Variants in FBXO25 observed in about 807,000 individuals in gnomAD.
The protein encoded by FBXO25 is F-box protein 25.
In FBXO25, 45 loss-of-function variants were observed where a neutral mutation model predicts 51.9. The ratio of observed to expected loss-of-function variants is 0.87; its 90% CI spans 0.68 to 1.11. The LOEUF is 1.11. Among genes scored for constraint, FBXO25 ranks in the 50% most tolerant of loss-of-function variants. The pLI, the probability that FBXO25 is intolerant of heterozygous loss-of-function variation, is 0.00. For synonymous variants in FBXO25, 199 were observed against 151.0 expected (o/e 1.32, Z -2.33); for missense variants, 507 against 428.5 (o/e 1.18, Z -1.62).
At chr8:420,735 C>T (rs1797100188) in intron 2 of FBXO25, among the ~76,000 whole-genome samples, 2 of 152,174 alleles carry the variant, frequency 1.3e-5, no homozygotes, top group Admixed American at 6.5e-5. Context: ...AAAAGCACAA[C>T]CATAAGGAAG....
At chr8:438,356 G>C (rs1187055556) in intron 5 of FBXO25, among the ~76,000 whole-genome samples, 2 of 152,336 alleles carry the variant, frequency 1.3e-5, no homozygotes, top group South Asian at 2.1e-4. Flanking sequence ...ACCATGCCCA[G>C]CCTGTATCTT....
At chr8:434,171 T>C (rs1465363604) in intron 4 of FBXO25, among the ~76,000 whole-genome samples, 1 of 152,130 alleles carries the variant, frequency 6.6e-6, no homozygotes, top group South Asian at 2.1e-4. Flanking sequence ...CCACGTCATG[T>C]CTCCATACCC....
chr8:443,950 T>C (rs932684225), intron 5 of FBXO25, among the ~76,000 whole-genome samples: 4 of 151,958 alleles, frequency 2.6e-5, no homozygotes, highest in Non-Finnish European at 5.9e-5. Flanking sequence ...CAAGCACAGA[T>C]TGTGGGATCC....
rs531488708 is a variant in FBXO25 at position 410,853 on chromosome 8, G to C, written c.-7-2220G>C. Among the ~76,000 whole-genome samples, 34 of 152,294 alleles carry C rather than the reference G, an allele frequency of 2.2e-4. 1 individual carries two copies. The highest frequency in any genetic ancestry group is 7.0e-4 in the African/African-American group (29 of 41,568). On this transcript the variant is annotated intron_variant, in intron 1 of 9. Coordinates refer to ENST00000350302, the MANE Select transcript of FBXO25 (RefSeq NM_183420.2). ...TCTGACTATAAGTCAGTTTAGCAAG[G>C]TTTGAGATTTTCTTCGTGTAAAGAA... is the stretch of plus-strand genomic sequence containing the variant.
At chr8:437,862 TGTA>T (rs1798195485) in intron 5 of FBXO25, among the ~76,000 whole-genome samples, 1 of 152,204 alleles carries the variant, frequency 6.6e-6, no homozygotes, top group African/African-American at 2.4e-5. Flanking sequence ...AGGATTGTCT[TGTA>T]GTTCTACTAA....
intron 9 of FBXO25, among the ~76,000 whole-genome samples, chr8:464,163 GGC>G (rs1373809396): frequency 6.6e-6 from 1 of 152,102 alleles, no homozygotes; most frequent in Non-Finnish European, 1.5e-5. Flanking sequence ...TGTTACCCAT[GGC>G]TGGTCTCAAA....
chr8:407,269 G>A (rs1796209570), intron 1 of FBXO25: 1 of 849,136 alleles, frequency 1.2e-6, no homozygotes, highest in East Asian at 1.2e-4. Context: ...GGAGGGTCAG[G>A]TGGGGACCGG....
At chr8:423,270 G>C (rs1243484814) in intron 2 of FBXO25, among the ~76,000 whole-genome samples, 3 of 152,284 alleles carry the variant, frequency 2.0e-5, no homozygotes, top group East Asian at 3.9e-4. Flanking sequence ...TTCTTACTCA[G>C]AGTTGTCTGG....
intron 7 of FBXO25, among the ~76,000 whole-genome samples, chr8:457,735 G>A (rs141117818): frequency 1.4e-3 from 212 of 152,340 alleles, no homozygotes; most frequent in African/African-American, 4.6e-3. Flanking sequence ...AGTGAGCTGG[G>A]CTGTGGCCAT....
chr8:477,453 A>G lies in FBXO25; in HGVS notation c.*8649A>G, dbSNP rs544567845. ...TTGGGCTCTGATGTTTGGTGCATAT[A>G]TATTACATCTTGGTGAATTTTCAAA... On this transcript the variant is annotated 3_prime_UTR_variant, in exon 10 of 10. Coordinates refer to ENST00000350302, the MANE Select transcript of FBXO25 (RefSeq NM_183420.2). 6 of 152,362 alleles carry G rather than the reference A, an allele frequency of 3.9e-5. No homozygotes were observed. The East Asian group carries it at 9.6e-4, about 24-fold the overall frequency. 9.4% of individuals were successfully genotyped at this position (152,362 alleles called of 1,614,324 possible).
intron 5 of FBXO25, among the ~76,000 whole-genome samples, chr8:444,234 T>C (rs1170098544): frequency 6.6e-6 from 1 of 152,204 alleles, no homozygotes; most frequent in African/African-American, 2.4e-5. Context: ...TGAAGAATAC[T>C]TTCTGTATTT....
At chr8:462,975 T>C (rs1359043196) in intron 8 of FBXO25, 32 bp from the exon 9 acceptor site, 24 of 1,587,690 alleles carry the variant, frequency 1.5e-5, no homozygotes, top group African/African-American at 2.7e-5. Flanking sequence ...AGTCATCTTA[T>C]GCGGATTCTG....
intron 4 of FBXO25, among the ~76,000 whole-genome samples, chr8:433,908 A>G (rs1033603692): frequency 1.3e-5 from 2 of 152,364 alleles, no homozygotes; most frequent in East Asian, 3.9e-4. Flanking sequence ...CGAATACACC[A>G]TTAGACGATT....
chr8:442,096 G>A (rs1198334333), intron 5 of FBXO25, among the ~76,000 whole-genome samples: 2 of 152,046 alleles, frequency 1.3e-5, no homozygotes, highest in African/African-American at 4.8e-5. Context: ...GCTTTTGTTT[G>A]CTCTGGTGAG....
chr8:432,079 A>G (rs1797850067), intron 3 of FBXO25, among the ~76,000 whole-genome samples: 1 of 152,184 alleles, frequency 6.6e-6, no homozygotes, highest in African/African-American at 2.4e-5. Context: ...AACGAGAATA[A>G]TAAAATGAAA....
At position 475,171 on chromosome 8, in the gene FBXO25, A is replaced by G. The variant is rs536508316; in HGVS notation, c.*6367A>G. 6.6e-5 allele frequency: 23 copies of G among 346,272 alleles called. No homozygotes were observed. Among genetic ancestry groups the G allele is most frequent in the African/African-American group, 5.0e-4 (23 of 46,376 alleles). 21.4% of individuals were successfully genotyped at this position (346,272 alleles called of 1,614,324 possible). On this transcript the variant is annotated 3_prime_UTR_variant, in exon 10 of 10. Coordinates refer to ENST00000350302, the MANE Select transcript of FBXO25 (RefSeq NM_183420.2). ...TAGATCTAGCTTCATGTGGATGTCC[A>G]CTTGTCTAGCACCATTTGTTGAAAA... is the stretch of plus-strand genomic sequence containing the variant.
chr8:424,916 G>C (rs1009772530), intron 2 of FBXO25, among the ~76,000 whole-genome samples: 5 of 151,926 alleles, frequency 3.3e-5, no homozygotes, highest in Non-Finnish European at 7.4e-5. Context: ...TAATTAACTT[G>C]TTTAGCTCTA....
At position 435,622 on chromosome 8, in the gene FBXO25, G is replaced by C; in HGVS notation, c.296G>C (p.Gly99Ala). Residue 99 changes from glycine to alanine, a missense_variant, in exon 5 of 10, where the codon GGC becomes GCC. Transcript: ENST00000350302. ...VHKESTKERH[G>A]YCTLGEAFNR... Reference sequence around the variant, plus strand: ...TCTGTGTTGCTTTTCCAGAGGCATGGCTATTGCACCTTGGGAGAAGCCTTT... The same window carrying C: ...TCTGTGTTGCTTTTCCAGAGGCATGCCTATTGCACCTTGGGAGAAGCCTTT... 6.2e-7 allele frequency: 1 copy of C among 1,604,188 alleles called. No individual in the cohort carries two copies. The highest frequency in any genetic ancestry group is 1.1e-5 in the South Asian group (1 of 88,448).
At chr8:464,371 A>G (rs917844666) in intron 9 of FBXO25, among the ~76,000 whole-genome samples, 5 of 152,206 alleles carry the variant, frequency 3.3e-5, no homozygotes, top group African/African-American at 1.2e-4. Context: ...GGGAAAAAAA[A>G]TGTTGAAACT....
Sources: gnomAD v4.1 joint callset for allele counts (sites outside exome capture counted in the v4.1 genomes callset) on GRCh38, gnomAD v4.1.1 for gene constraint, MANE v1.5 for transcripts, NCBI Gene and HGNC (gene_info 2026-07-23, HGNC 2026-07-21) for gene names.